Variants in MMGT1 observed in about 807,000 individuals in gnomAD.
MMGT1 encodes the protein membrane magnesium transporter 1, also known as ER membrane protein complex subunit 5.
In MMGT1, 2 loss-of-function variants were observed where a neutral mutation model predicts 11.7. The observed-to-expected ratio is 0.17, with a 90% CI of 0.07 to 0.54. The LOEUF is 0.54. Ranked by LOEUF, MMGT1 falls within the 20% of genes least tolerant of loss-of-function variation. The probability of loss-of-function intolerance (pLI) is 0.94; values close to 1 mark genes in which losing one functional copy is unlikely to be tolerated. For missense variants in MMGT1, 74 were observed against 109.0 expected (o/e 0.68, Z 1.43); for synonymous variants, 49 against 44.4 (o/e 1.10, Z -0.41).
rs1403186816 is a variant in MMGT1 at position 135,964,966 on chromosome X, C to A, written c.*58G>T. 4.6e-6 allele frequency: 5 copies of A among 1,079,698 alleles called. No homozygotes were observed. The African/African-American group carries it at 5.5e-5, about 12-fold the overall frequency. 89.0% of individuals were successfully genotyped at this position (1,079,698 alleles called of 1,213,427 possible). ...GGGGGCAGGGAGGAGTGTTTTATAC[C>A]CCAAACTCCAATATTCCAGCTCTGT... On this transcript the variant is annotated 3_prime_UTR_variant, in exon 4 of 4. Transcript: ENST00000305963.
In MMGT1 at chrX:135,964,922, G is replaced by T; in HGVS notation, c.*102C>A. 1 of 707,946 alleles carries T rather than the reference G, an allele frequency of 1.4e-6. No homozygotes were observed. Among genetic ancestry groups the T allele is most frequent in the Non-Finnish European group, 2.1e-6 (1 of 481,604 alleles). 58.3% of individuals were successfully genotyped at this position (707,946 alleles called of 1,213,427 possible). On this transcript the variant is annotated 3_prime_UTR_variant, in exon 4 of 4. Coordinates refer to ENST00000305963, the MANE Select transcript of MMGT1 (RefSeq NM_173470.3). ...TTTTTTTACTAAAGTAGGTCTGAAA[G>T]ATCAATATAAATACTAATGGGGGCA...
At chrX:135,966,407 A>G (rs1556611959) in intron 3 of MMGT1, among the ~76,000 whole-genome samples, 2 of 111,937 alleles carry the variant, frequency 1.8e-5, no homozygotes, top group Non-Finnish European at 3.8e-5. Flanking sequence ...CATCCTGGCC[A>G]ACATGGTGAA....
intron 1 of MMGT1, among the ~76,000 whole-genome samples, chrX:135,972,349 G>A (rs1556612656): frequency 4.4e-5 from 5 of 112,453 alleles, no homozygotes; most frequent in Non-Finnish European, 7.5e-5. Flanking sequence ...CATGTGTATT[G>A]ACTCTTGAAG....
intron 3 of MMGT1, among the ~76,000 whole-genome samples, chrX:135,966,506 A>T (rs998506211): frequency 8.0e-5 from 9 of 112,016 alleles, no homozygotes; most frequent in African/African-American, 2.9e-4. Flanking sequence ...GAGGCAGGAG[A>T]ATCACTTGAA....
chrX:135,966,623 A>T (rs1199381278), intron 3 of MMGT1, among the ~76,000 whole-genome samples: 1 of 111,118 alleles, frequency 9.0e-6, no homozygotes, highest in Non-Finnish European at 1.9e-5. Context: ...AATAAATAAA[A>T]TGTACATAAT....
At chrX:135,967,832 GT>G (rs1162067645) in intron 2 of MMGT1, among the ~76,000 whole-genome samples, 5 of 106,310 alleles carry the variant, frequency 4.7e-5, no homozygotes, top group South Asian at 4.0e-4. Flanking sequence ...TATTGTTTTT[GT>G]TTTTTTTTTG....
rs1165244027 is a variant in MMGT1, at chrX:135,962,886, G to A, written c.*2138C>T. 2.7e-5 allele frequency: 3 copies of A among 111,545 alleles called. No individual in the cohort carries two copies. Among genetic ancestry groups the A allele is most frequent in the East Asian group, 5.6e-4 (2 of 3,578 alleles). 9.2% of individuals were successfully genotyped at this position (111,545 alleles called of 1,213,427 possible). ...AAAAACTACTCAGCATAAGATTCAC[G>A]GAGAAAAACCTGTTAGGTATCTGGC... On this transcript the variant is annotated 3_prime_UTR_variant, in exon 4 of 4. Coordinates refer to ENST00000305963, the MANE Select transcript of MMGT1 (RefSeq NM_173470.3).
At position 135,961,242 on chromosome X, in the gene MMGT1, C is replaced by A. The variant is rs1446251857; in HGVS notation, c.*3782G>T. On this transcript the variant is annotated 3_prime_UTR_variant, in exon 4 of 4. Transcript: ENST00000305963. ...ATTCAAACATTAGAATACCACACAG[C>A]CGCTAAAAATAATGAGGTATTTTTA... Among the ~76,000 whole-genome samples the A allele has an allele frequency of 9.0e-6, 1 of 111,029 alleles. No homozygotes were observed. The highest frequency in any genetic ancestry group is 2.8e-4 in the East Asian group (1 of 3,570).
At chrX:135,970,753 CA>C in intron 2 of MMGT1, among the ~76,000 whole-genome samples, 1 of 110,932 alleles carries the variant, frequency 9.0e-6, no homozygotes, top group Admixed American at 9.5e-5. Context: ...ACTAAAAATA[CA>C]AAAAATTAGC....
intron 1 of MMGT1, 137 bp downstream of exon 1, chrX:135,973,460 T>C: frequency 1.9e-6 from 1 of 524,771 alleles, no homozygotes; most frequent in Non-Finnish European, 3.1e-6. Context: ...CCTGCACTGA[T>C]TTTCTTAGTC....
intron 3 of MMGT1, among the ~76,000 whole-genome samples, chrX:135,966,957 G>A (rs1046397272): frequency 4.7e-5 from 5 of 107,137 alleles, no homozygotes; most frequent in African/African-American, 1.7e-4. Flanking sequence ...AGGGGAAACC[G>A]AAAACCACTT....
chrX:135,970,025 T>C (rs1556612438), intron 2 of MMGT1, among the ~76,000 whole-genome samples: 13 of 112,172 alleles, frequency 1.2e-4, no homozygotes. Context: ...CTAGTAAAGA[T>C]AAAAATTGTG....
Position 135,968,499 on chromosome X carries a change from TTGTGTGTG to T in MMGT1, c.133-1014_133-1007del, listed in dbSNP as rs61012323. ...GCTTTCCTCGCTCAACATTATGTCA[TTGTGTGTG>T]TGTGTGTGTGTGTGTGTGTGTGTGT... On this transcript the variant is annotated intron_variant, in intron 2 of 3. Coordinates refer to ENST00000305963, the MANE Select transcript of MMGT1 (RefSeq NM_173470.3). Among the ~76,000 whole-genome samples the T allele has an allele frequency of 7.3e-4, 62 of 85,028 alleles. 1 individual carries two copies. The highest frequency in any genetic ancestry group is 1.9e-3 in the East Asian group (5 of 2,599). 73.8% of individuals were successfully genotyped at this position (85,028 alleles called of 115,157 possible). A position where few individuals can be genotyped will look rare whatever the true frequency, so the allele number is the denominator to read the frequency against.
intron 3 of MMGT1, among the ~76,000 whole-genome samples, chrX:135,965,601 C>T (rs1197432205): frequency 9.0e-6 from 1 of 110,692 alleles, no homozygotes. Flanking sequence ...GACAGGGTCT[C>T]CCAATGTTGC....
chrX:135,969,531 G>A (rs1437544037), intron 2 of MMGT1, among the ~76,000 whole-genome samples: 1 of 110,715 alleles, frequency 9.0e-6, no homozygotes, highest in African/African-American at 3.3e-5. Flanking sequence ...GTAGAGACGG[G>A]GTTTCACCGT....
intron 2 of MMGT1, among the ~76,000 whole-genome samples, chrX:135,970,510 C>T (rs1391965156): frequency 8.9e-6 from 1 of 112,482 alleles, no homozygotes; most frequent in East Asian, 2.8e-4. Flanking sequence ...TTAAGTCCAT[C>T]CCATACTATG....
chrX:135,967,274 A>C (rs190975885), intron 3 of MMGT1, 116 bp downstream of exon 3: 1 of 488,164 alleles, frequency 2.0e-6, no homozygotes, highest in East Asian at 3.7e-5. Context: ...CAAACTGTGT[A>C]ATCAAAATGC....
In MMGT1 at chrX:135,963,575, G is replaced by C. The variant is rs896366138; in HGVS notation, c.*1449C>G. On this transcript the variant is annotated 3_prime_UTR_variant, in exon 4 of 4. Coordinates refer to ENST00000305963, the MANE Select transcript of MMGT1 (RefSeq NM_173470.3). ...TGTTCCGCAGACAGACTGGGCTGGCGTAACAAACCAAAACTAAACAACAAT... is the reference window on the plus strand; with the variant it reads ...TGTTCCGCAGACAGACTGGGCTGGCCTAACAAACCAAAACTAAACAACAAT... The C allele has an allele frequency of 8.9e-6, 1 of 111,914 alleles. No homozygotes were observed. Among genetic ancestry groups the C allele is most frequent in the Non-Finnish European group, 1.9e-5 (1 of 53,176 alleles). The allele number at this position is 111,914 out of a possible 1,213,427, so 9.2% of individuals were successfully genotyped here.
rs2089216558 is a variant in MMGT1 at position 135,971,100 on chromosome X, A to G, written c.90T>C (p.Tyr30=). 5 of 1,174,571 alleles carry G rather than the reference A, an allele frequency of 4.3e-6. No homozygotes were observed. In the African/African-American group the frequency reaches 7.1e-5, roughly 17 times the overall value. ...AAFSAAQHRS[Y]MRLTEKEDES... ...CATCTTCTTTTTCTGTTAATCGCAT[A>G]TAAGAACGATCTATAAACCAGAAGC... The change falls in exon 2 of 4, where the codon TAT becomes TAC. Residue 30 remains tyrosine (Y), a synonymous_variant. Coordinates refer to ENST00000305963, the MANE Select transcript of MMGT1 (RefSeq NM_173470.3).
Sources: allele counts gnomAD v4.1 joint callset (sites outside exome capture counted in the v4.1 genomes callset), GRCh38; gene constraint gnomAD v4.1.1; transcripts MANE v1.5; gene names NCBI Gene and HGNC (gene_info 2026-07-23, HGNC 2026-07-21).